The following NTN1 variants were observed in gnomAD, a reference collection of about 807,000 sequenced individuals.
NTN1 encodes netrin 1, also known as netrin-1.
In NTN1, 11 loss-of-function variants were observed where a neutral mutation model predicts 54.2. The observed-to-expected ratio is 0.20, with a 90% CI of 0.13 to 0.34. NTN1 has a LOEUF of 0.34. NTN1 is among the 10% of genes least tolerant of loss of function. The pLI is 1.00. For synonymous variants in NTN1, 371 were observed against 382.0 expected (o/e 0.97, Z 0.33); for missense variants, 740 against 893.1 (o/e 0.83, Z 2.18).
chr17:9,013,757 C>A, the NTN1 span, among the ~76,000 whole-genome samples: 1 of 152,186 alleles, frequency 6.6e-6, no homozygotes, highest in African/African-American at 2.4e-5. Flanking sequence ...TGAGCCCCAA[C>A]TCTGGCTCAG....
intron 2 of NTN1, among the ~76,000 whole-genome samples, chr17:9,026,877 C>T (rs143697957): frequency 2.4e-4 from 37 of 152,118 alleles, no homozygotes; most frequent in African/African-American, 8.7e-4. Context: ...GCGACTCACT[C>T]TATGGCTTTG....
chr17:9,065,021 C>T (rs1056903243), intron 2 of NTN1, among the ~76,000 whole-genome samples: 4 of 152,166 alleles, frequency 2.6e-5, no homozygotes, highest in African/African-American at 9.7e-5. Context: ...ACTGCAACCT[C>T]CACTTCCCGG....
At position 9,239,552 on chromosome 17, in the gene NTN1, G is replaced by A; in HGVS notation, c.1487-88G>A. On this transcript the variant is annotated intron_variant, in intron 6 of 6. Transcript: ENST00000173229. This position sits in a 1 kb window ranked among gnomAD's most constrained non-coding sequence, Gnocchi z 5.2. ...CTGTGCAGTCACTTCCTGGGGCTGGGTCTCCTTTCCCTTCTCCCCAGGCTC... is the reference window on the plus strand; with the variant it reads ...CTGTGCAGTCACTTCCTGGGGCTGGATCTCCTTTCCCTTCTCCCCAGGCTC... The A allele has an allele frequency of 7.4e-7, 1 of 1,354,812 alleles. No homozygotes were observed. Among genetic ancestry groups the A allele is most frequent in the Non-Finnish European group, 1.0e-6 (1 of 975,544 alleles). 83.9% of individuals were successfully genotyped at this position (1,354,812 alleles called of 1,614,324 possible). A position where few individuals can be genotyped will look rare whatever the true frequency, so the allele number is the denominator to read the frequency against.
intron 2 of NTN1, among the ~76,000 whole-genome samples, chr17:9,142,114 G>A (rs1435710744): frequency 1.3e-5 from 2 of 151,124 alleles, no homozygotes; most frequent in East Asian, 3.9e-4. Context: ...GCGACAGAGC[G>A]AGACTCCATC....
intron 6 of NTN1, among the ~76,000 whole-genome samples, chr17:9,224,185 C>T (rs1383471899): frequency 2.0e-5 from 3 of 147,416 alleles, no homozygotes; most frequent in Admixed American, 1.3e-4. Flanking sequence ...TGAATTCTGC[C>T]TCCCCAACAA....
chr17:9,026,361 T>A (rs2091870435), intron 2 of NTN1, among the ~76,000 whole-genome samples: 1 of 147,450 alleles, frequency 6.8e-6, no homozygotes, highest in African/African-American at 2.5e-5. Flanking sequence ...AAAGCCCAGT[T>A]ATACTTTAAA....
Position 9,239,566 on chromosome 17 carries a change from C to A in NTN1, c.1487-74C>A. 1 of 1,467,540 alleles carries A rather than the reference C, an allele frequency of 6.8e-7. No individual in the cohort carries two copies. Among genetic ancestry groups the A allele is most frequent in the Non-Finnish European group, 9.4e-7 (1 of 1,068,142 alleles). The allele number at this position is 1,467,540 out of a possible 1,614,324, so 90.9% of individuals were successfully genotyped here. ...CCTGGGGCTGGGTCTCCTTTCCCTT[C>A]TCCCCAGGCTCAGGCAGGGCGGACC... On this transcript the variant is annotated intron_variant, in intron 6 of 6. Transcript: ENST00000173229. The surrounding 1 kb of genome is among the most constrained non-coding windows in gnomAD (Gnocchi z 5.2).
At chr17:9,131,978 A>ATT (rs35556647) in intron 2 of NTN1, among the ~76,000 whole-genome samples, 12 of 133,866 alleles carry the variant, frequency 9.0e-5, no homozygotes, top group African/African-American at 2.7e-4. Flanking sequence ...AATTTTTTGT[A>ATT]TTTTTTTTTT....
chr17:9,230,151 A>G (rs1298782523), intron 6 of NTN1, among the ~76,000 whole-genome samples: 4 of 152,136 alleles, frequency 2.6e-5, no homozygotes, highest in Non-Finnish European at 4.4e-5. Context: ...TCAAGTGTGG[A>G]AAGCTGGACA....
At chr17:9,058,661 A>G (rs1410663468) in intron 2 of NTN1, among the ~76,000 whole-genome samples, 3 of 150,624 alleles carry the variant, frequency 2.0e-5, no homozygotes, top group Admixed American at 6.6e-5. Context: ...AAAAAAAAAA[A>G]AAAGAAAAGA....
chr17:9,061,382 G>A (rs929816999), intron 2 of NTN1, among the ~76,000 whole-genome samples: 8 of 152,310 alleles, frequency 5.3e-5, no homozygotes, highest in Admixed American at 5.2e-4. Flanking sequence ...GTGTCAATGA[G>A]ACAGTTGGCT....
chr17:9,217,658 A>C (rs912516571), intron 5 of NTN1, among the ~76,000 whole-genome samples: 5 of 152,034 alleles, frequency 3.3e-5, no homozygotes, highest in Admixed American at 6.5e-5. Context: ...CACAGTGTCC[A>C]TGTTCTGAAG....
intron 2 of NTN1, among the ~76,000 whole-genome samples, chr17:9,085,316 G>A (rs1337044544): frequency 6.6e-6 from 1 of 152,212 alleles, no homozygotes; most frequent in African/African-American, 2.4e-5. Context: ...CCAGCACCCT[G>A]TCTTCATTCC....
At chr17:9,164,787 T>G (rs1023369341) in intron 3 of NTN1, among the ~76,000 whole-genome samples, 1 of 152,086 alleles carries the variant, frequency 6.6e-6, no homozygotes, top group African/African-American at 2.4e-5. Flanking sequence ...CTGGGCTGTT[T>G]CCACATTTTT....
chr17:9,179,649 G>A (rs1240788710), intron 3 of NTN1, among the ~76,000 whole-genome samples, 158 bp from the exon 4 acceptor site: 3 of 152,194 alleles, frequency 2.0e-5, no homozygotes, highest in Non-Finnish European at 4.4e-5. Context: ...CAGTGTCAGA[G>A]CTTCCGGAGT....
At chr17:9,115,913 C>T (rs760606222) in intron 2 of NTN1, among the ~76,000 whole-genome samples, 18 of 152,244 alleles carry the variant, frequency 1.2e-4, no homozygotes, top group Non-Finnish European at 8.8e-5. Flanking sequence ...TATGAACAGT[C>T]GGAGAATTTT....
intron 2 of NTN1, among the ~76,000 whole-genome samples, chr17:9,157,269 T>C (rs376930108): frequency 1.3e-5 from 2 of 152,258 alleles, no homozygotes; most frequent in South Asian, 2.1e-4. Flanking sequence ...GGGGAACCCA[T>C]GGATAGTTGA....
the NTN1 span, among the ~76,000 whole-genome samples, chr17:9,003,324 G>A: frequency 1.3e-5 from 2 of 151,848 alleles, no homozygotes; most frequent in South Asian, 2.1e-4. The surrounding 1 kb of genome is among the most constrained non-coding windows in gnomAD (Gnocchi z 7.4). Flanking sequence ...GTGGCCGCGG[G>A]CCGGGGCCGT....
At chr17:9,180,978 TGGG>T (rs921050183) in intron 4 of NTN1, among the ~76,000 whole-genome samples, 69 of 152,180 alleles carry the variant, frequency 4.5e-4, no homozygotes, top group African/African-American at 1.6e-3. Context: ...TCGGAAAACA[TGGG>T]GGGAAAGCTG....
Sources: gnomAD v4.1 joint callset for allele counts (sites outside exome capture counted in the v4.1 genomes callset) on GRCh38, gnomAD v4.1.1 for gene constraint, Gnocchi (gnomAD v3.1) non-coding constraint, MANE v1.5 for transcripts, NCBI Gene and HGNC (gene_info 2026-07-23, HGNC 2026-07-21) for gene names.